CABLES1: variants seen among roughly 807,000 people sequenced by gnomAD.
CABLES1 encodes CDK5 and ABL1 enzyme substrate 1.
A neutral mutation model predicts 57.8 loss-of-function variants in CABLES1; 36 were observed. That is an observed-to-expected ratio of 0.62 (90% CI 0.48 to 0.82). The LOEUF (loss-of-function observed/expected upper bound fraction) is 0.82. Among genes scored for constraint, CABLES1 ranks in the 40% least tolerant of loss-of-function variants. CABLES1 has a pLI of 0.00. For synonymous variants in CABLES1, 374 were observed against 363.0 expected (o/e 1.03, Z -0.35); for missense variants, 767 against 836.6 (o/e 0.92, Z 1.03).
At chr18:23,141,732 G>A (rs1489795406) in intron 1 of CABLES1, among the ~76,000 whole-genome samples, 1 of 152,234 alleles carries the variant, frequency 6.6e-6, no homozygotes, top group Non-Finnish European at 1.5e-5. Context: ...CTCACTGCTG[G>A]CAAGTGCCTG....
At chr18:23,154,568 A>G (rs1315649654) in intron 1 of CABLES1, among the ~76,000 whole-genome samples, 1 of 152,216 alleles carries the variant, frequency 6.6e-6, no homozygotes, top group African/African-American at 2.4e-5. Flanking sequence ...TAAGGCACTT[A>G]CAGTACCTAG....
intron 1 of CABLES1, among the ~76,000 whole-genome samples, chr18:23,139,164 G>A (rs1480139440): frequency 6.6e-6 from 1 of 152,068 alleles, no homozygotes; most frequent in East Asian, 1.9e-4. Context: ...CACTTTGGGA[G>A]GCCGAGGCAG....
At chr18:23,230,555 A>G (rs532709881) in intron 4 of CABLES1, among the ~76,000 whole-genome samples, 3 of 152,302 alleles carry the variant, frequency 2.0e-5, no homozygotes, top group African/African-American at 7.2e-5. Context: ...AAAAGCGTGG[A>G]AAAGTTGCCC....
At chr18:23,241,169 A>G (rs1364744612) in intron 7 of CABLES1, among the ~76,000 whole-genome samples, 1 of 152,150 alleles carries the variant, frequency 6.6e-6, no homozygotes, top group Non-Finnish European at 1.5e-5. Flanking sequence ...ATCTTCCTTC[A>G]TACAACTTAA....
chr18:23,168,211 A>G (rs1189198093), intron 1 of CABLES1, among the ~76,000 whole-genome samples: 1 of 152,262 alleles, frequency 6.6e-6, no homozygotes, highest in Non-Finnish European at 1.5e-5. Flanking sequence ...GGAGCAGTCT[A>G]AAGTATTCAC....
chr18:23,252,072 T>G (rs2048051378), intron 7 of CABLES1, among the ~76,000 whole-genome samples: 1 of 143,812 alleles, frequency 7.0e-6, no homozygotes, highest in African/African-American at 2.6e-5. Flanking sequence ...GGCAACAAAG[T>G]GAGACTCCGT....
rs2046818211 is a variant in CABLES1 at position 23,136,114 on chromosome 18, G to A, written c.352G>A (p.Gly118Ser). The A allele has an allele frequency of 1.8e-5, 21 of 1,190,910 alleles. No individual in the cohort carries two copies. The highest frequency in any genetic ancestry group is 2.2e-5 in the Non-Finnish European group (21 of 962,188). The allele number at this position is 1,190,910 out of a possible 1,614,324, so 73.8% of individuals were successfully genotyped here. The part of the protein sequence containing the change: ...FSLLAAAERG[G>S]CIALAAPGTP... ...CTTGCTCGCCGCTGCCGAGCGGGGC[G>A]GCTGCATCGCGCTCGCCGCGCCGGG... The change falls in exon 1 of 10, where the codon GGC (glycine) becomes AGC (serine). Residue 118 changes from glycine to serine, a missense_variant. Gly to Ser is a moderately conservative substitution (Grantham distance 56, BLOSUM62 0). Around this residue, in one of 4 missense-constraint regions of CABLES1, gnomAD observed 198 missense variants for 149.7 expected, o/e 1.32. Transcript: ENST00000256925.
intron 1 of CABLES1, among the ~76,000 whole-genome samples, chr18:23,143,466 C>T (rs2144950893): frequency 6.6e-6 from 1 of 152,358 alleles, no homozygotes; most frequent in East Asian, 1.9e-4. Context: ...ACCACCTCCG[C>T]CCTGGGCGGG....
At chr18:23,221,431 G>A (rs2047486308) in intron 4 of CABLES1, among the ~76,000 whole-genome samples, 2 of 152,248 alleles carry the variant, frequency 1.3e-5, no homozygotes, top group Non-Finnish European at 2.9e-5. Context: ...AGAGGGTAGT[G>A]TATGCTCAGT....
rs368456074 is a variant in CABLES1 at position 23,211,028 on chromosome 18, C to T, written c.1011-2949C>T. Among the ~76,000 whole-genome samples, 76 of 151,892 alleles carry T rather than the reference C, an allele frequency of 5.0e-4. 2 individuals carry two copies. The South Asian group carries it at 0.016, about 32-fold the overall frequency. The stretch of plus-strand genomic sequence containing the variant: ...GGTAAAATAACATGTTTTTCTGGAA[C>T]GAGCAGCATGTTGTCAGCCTCTCCT... On this transcript the variant is annotated intron_variant, in intron 3 of 9. Coordinates refer to ENST00000256925, the MANE Select transcript of CABLES1 (RefSeq NM_001100619.3).
chr18:23,246,019 G>A (rs2145111765), intron 7 of CABLES1, among the ~76,000 whole-genome samples: 1 of 152,336 alleles, frequency 6.6e-6, no homozygotes, highest in East Asian at 1.9e-4. Context: ...TGTAATCCCA[G>A]CACTTTGAGA....
chr18:23,159,386 T>C (rs2046987482), intron 1 of CABLES1, among the ~76,000 whole-genome samples: 1 of 152,254 alleles, frequency 6.6e-6, no homozygotes, highest in Admixed American at 6.5e-5. Flanking sequence ...GTCTTCATAT[T>C]AAGCTTTGCT....
chr18:23,177,988 G>A (rs575697478), intron 1 of CABLES1, among the ~76,000 whole-genome samples: 8 of 152,146 alleles, frequency 5.3e-5, no homozygotes, highest in Admixed American at 3.3e-4. Flanking sequence ...TAAGTTGGCC[G>A]CAAACTCCTT....
At chr18:23,210,167 T>C (rs528354826) in intron 3 of CABLES1, among the ~76,000 whole-genome samples, 1 of 148,634 alleles carries the variant, frequency 6.7e-6, no homozygotes, top group African/African-American at 2.5e-5. Context: ...CTATTTTTTT[T>C]CCTCTGGCCG....
Position 23,150,988 on chromosome 18 carries a change from G to A in CABLES1, c.845+14381G>A, listed in dbSNP as rs577812575. Among the ~76,000 whole-genome samples, 173 of 151,328 alleles carry A rather than the reference G, an allele frequency of 1.1e-3. 2 individuals are homozygous for A. Among genetic ancestry groups the A allele is most frequent in the African/African-American group, 3.9e-3 (161 of 41,248 alleles). ...GCTCTCATTGTCTTTATTAGAAGCC[G>A]CTGGGGAGCACAGTGCCCTGGCCTA... On this transcript the variant is annotated intron_variant, in intron 1 of 9. Coordinates refer to ENST00000256925, the MANE Select transcript of CABLES1 (RefSeq NM_001100619.3).
chr18:23,172,896 G>A (rs1160327892), intron 1 of CABLES1, among the ~76,000 whole-genome samples: 1 of 152,186 alleles, frequency 6.6e-6, no homozygotes, highest in East Asian at 1.9e-4. Flanking sequence ...GAAGCACCTC[G>A]GATTGGGGTA....
In CABLES1 at chr18:23,152,911, C is replaced by T. The variant is rs549543260; in HGVS notation, c.845+16304C>T. Among the ~76,000 whole-genome samples, 16 of 148,230 alleles carry T rather than the reference C, an allele frequency of 1.1e-4. No homozygotes were observed. The South Asian group carries it at 3.3e-3, about 30-fold the overall frequency. ...CCACCTCCCGGGTTCAAATGACTCT[C>T]CTGCCTCAGCCTCCCGAGTAGCTGG... On this transcript the variant is annotated intron_variant, in intron 1 of 9. Coordinates refer to ENST00000256925, the MANE Select transcript of CABLES1 (RefSeq NM_001100619.3).
chr18:23,195,969 T>G (rs952310877), intron 3 of CABLES1, among the ~76,000 whole-genome samples: 23 of 152,212 alleles, frequency 1.5e-4, no homozygotes, highest in African/African-American at 5.5e-4. Flanking sequence ...CTCAATGAAA[T>G]CAATGACAAA....
chr18:23,256,638 G>A (rs958355233), intron 9 of CABLES1, among the ~76,000 whole-genome samples: 14 of 151,826 alleles, frequency 9.2e-5, no homozygotes, highest in South Asian at 8.3e-4. Context: ...CCACCGCCAC[G>A]CCCGGCTCAT....
Sources: allele counts gnomAD v4.1 joint callset (sites outside exome capture counted in the v4.1 genomes callset), GRCh38; gene constraint gnomAD v4.1.1; regional missense constraint gnomAD v4.1.1; transcripts MANE v1.5; gene names NCBI Gene and HGNC (gene_info 2026-07-23, HGNC 2026-07-21).